Variants in UNC5D observed in about 807,000 individuals in gnomAD.
UNC5D encodes the protein netrin receptor UNC5D.
Under a neutral mutation model 105.4 loss-of-function variants are expected in UNC5D, and 39 were observed. The ratio of observed to expected loss-of-function variants is 0.37; its 90% confidence interval spans 0.29 to 0.48. UNC5D has a LOEUF of 0.48. Among genes scored for constraint, UNC5D ranks in the 20% least tolerant of loss-of-function variants. UNC5D has a pLI of 0.98. For synonymous variants in UNC5D, 452 were observed against 450.4 expected (o/e 1.00, Z -0.04); for missense variants, 991 against 1,202.4 (o/e 0.82, Z 2.60).
intron 4 of UNC5D, among the ~76,000 whole-genome samples, chr8:35,621,329 C>T (rs1206167434): frequency 6.6e-6 from 1 of 152,132 alleles, no homozygotes; most frequent in Admixed American, 6.5e-5. Flanking sequence ...TATCACGCCT[C>T]ATCTCTCTCT....
intron 11 of UNC5D, among the ~76,000 whole-genome samples, chr8:35,747,240 T>G (rs1263764040): frequency 6.6e-6 from 1 of 152,214 alleles, no homozygotes; most frequent in African/African-American, 2.4e-5. Context: ...CTTGGCTTTA[T>G]TGCAGCAGCA....
intron 3 of UNC5D, among the ~76,000 whole-genome samples, chr8:35,578,998 T>C (rs1482211719): frequency 6.6e-6 from 1 of 152,216 alleles, no homozygotes; most frequent in Non-Finnish European, 1.5e-5. Flanking sequence ...GCCATTCTTA[T>C]GGTGAAATTC....
At chr8:35,636,393 T>C (rs1490686737) in intron 4 of UNC5D, among the ~76,000 whole-genome samples, 1 of 152,178 alleles carries the variant, frequency 6.6e-6, no homozygotes, top group Non-Finnish European at 1.5e-5. Context: ...TCCCGGAGGC[T>C]ATCCTGTGAA....
chr8:35,518,107 T>C (rs1324134802), intron 1 of UNC5D, among the ~76,000 whole-genome samples: 9 of 152,160 alleles, frequency 5.9e-5, no homozygotes. Context: ...CTGAGAACTT[T>C]TTAAAATACT....
intron 1 of UNC5D, among the ~76,000 whole-genome samples, chr8:35,321,863 A>C (rs772193553): frequency 1.9e-4 from 29 of 151,968 alleles, no homozygotes; most frequent in Non-Finnish European, 3.8e-4. Context: ...TTCTTACTTC[A>C]CCTTCCCCTA....
intron 1 of UNC5D, among the ~76,000 whole-genome samples, chr8:35,248,960 T>C (rs1803453149): frequency 1.1e-5 from 1 of 94,514 alleles, no homozygotes; most frequent in East Asian, 2.9e-4. Flanking sequence ...TAAACATATA[T>C]AATATATATT....
intron 15 of UNC5D, 118 bp from the exon 16 acceptor site, chr8:35,774,181 T>C (rs1026738921): frequency 8.9e-7 from 1 of 1,126,892 alleles, no homozygotes; most frequent in Non-Finnish European, 1.3e-6. Flanking sequence ...ATAGAGTCCA[T>C]CACAACAGGC....
At chr8:35,493,642 G>A (rs138299366) in intron 1 of UNC5D, among the ~76,000 whole-genome samples, 87 of 152,278 alleles carry the variant, frequency 5.7e-4, no homozygotes, top group Middle Eastern at 3.4e-3. Flanking sequence ...ATGAAAAAGA[G>A]TTGTTGGTGT....
At chr8:35,441,008 G>A (rs1235663190) in intron 1 of UNC5D, among the ~76,000 whole-genome samples, 1 of 151,928 alleles carries the variant, frequency 6.6e-6, no homozygotes, top group African/African-American at 2.4e-5. Flanking sequence ...CTAAAACTGT[G>A]GCTACTGGAA....
intron 2 of UNC5D, 145 bp from the exon 3 acceptor site, chr8:35,567,953 A>G: frequency 1.6e-6 from 2 of 1,275,196 alleles, no homozygotes; most frequent in South Asian, 1.5e-5. Flanking sequence ...TAGCAGTAAT[A>G]TATTATTGTC....
intron 1 of UNC5D, among the ~76,000 whole-genome samples, chr8:35,540,997 T>C (rs1171538351): frequency 6.6e-6 from 1 of 152,166 alleles, no homozygotes; most frequent in African/African-American, 2.4e-5. Flanking sequence ...GGTTACTCTG[T>C]GTCTGCATCT....
At chr8:35,296,808 G>A (rs936737530) in intron 1 of UNC5D, among the ~76,000 whole-genome samples, 5 of 151,928 alleles carry the variant, frequency 3.3e-5, no homozygotes, top group African/African-American at 1.2e-4. Flanking sequence ...TACATTCTGT[G>A]GCCAAAATAA....
rs975769148 is a variant in UNC5D at position 35,668,052 on chromosome 8, C to T, written c.571-15495C>T. On this transcript the variant is annotated intron_variant, in intron 4 of 16. Transcript: ENST00000404895. ...TTCTACACAAGGAATGTACCAATTT[C>T]GATTCATCAAAAGTGAATAGAAACT... Among the ~76,000 whole-genome samples the T allele has an allele frequency of 2.0e-5, 3 of 152,196 alleles. No individual in the cohort carries two copies. In the East Asian group the frequency reaches 5.8e-4, roughly 29 times the overall value.
chr8:35,711,267 C>T (rs1827948523), intron 8 of UNC5D, among the ~76,000 whole-genome samples: 1 of 152,116 alleles, frequency 6.6e-6, no homozygotes, highest in Non-Finnish European at 1.5e-5. Flanking sequence ...GCAACCTCTG[C>T]CTCCCGGGTT....
chr8:35,706,043 A>C (rs567704404), intron 8 of UNC5D, 82 bp downstream of exon 8: 2 of 928,504 alleles, frequency 2.2e-6, no homozygotes, highest in African/African-American at 3.4e-5. Context: ...AGCTGAGCAG[A>C]ATTGAAGTTC....
chr8:35,548,778 C>A (rs889987547), intron 1 of UNC5D, among the ~76,000 whole-genome samples: 2 of 152,188 alleles, frequency 1.3e-5, no homozygotes, highest in African/African-American at 4.8e-5. Context: ...GATTGCCAGA[C>A]AATCTCCACC....
chr8:35,412,382 T>C (rs1462203630), intron 1 of UNC5D, among the ~76,000 whole-genome samples: 1 of 152,034 alleles, frequency 6.6e-6, no homozygotes, highest in East Asian at 1.9e-4. Context: ...ACAAATGATT[T>C]GACAGAGACT....
chr8:35,600,673 G>C (rs1158479613), intron 4 of UNC5D, among the ~76,000 whole-genome samples: 4 of 151,868 alleles, frequency 2.6e-5, no homozygotes, highest in Non-Finnish European at 2.9e-5. Context: ...AAATTTCTTT[G>C]AGTTCATTGT....
At chr8:35,415,802 T>C (rs1466209517) in intron 1 of UNC5D, among the ~76,000 whole-genome samples, 3 of 152,174 alleles carry the variant, frequency 2.0e-5, no homozygotes, top group African/African-American at 4.8e-5. Flanking sequence ...CCTATTCTCC[T>C]ACTCTCAATC....
Sources: gnomAD v4.1 joint callset for allele counts (sites outside exome capture counted in the v4.1 genomes callset) on GRCh38, gnomAD v4.1.1 for gene constraint, MANE v1.5 for transcripts, NCBI Gene and HGNC (gene_info 2026-07-23, HGNC 2026-07-21) for gene names.